Variants in GNB5 observed in about 807,000 individuals in gnomAD.
The protein encoded by GNB5 is guanine nucleotide-binding protein subunit beta-5.
A neutral mutation model predicts 55.3 loss-of-function variants in GNB5; 37 were observed. The ratio of observed to expected loss-of-function variants is 0.67; its 90% CI spans 0.51 to 0.88. The LOEUF is 0.88. GNB5 is among the 40% of genes least tolerant of loss of function. The pLI is 0.00. For missense variants in GNB5, 476 were observed against 515.3 expected, an observed-to-expected ratio of 0.92 and a Z score of 0.74; for synonymous variants, 219 against 198.5, an observed-to-expected ratio of 1.10 and a Z score of -0.87.
chr15:52,147,485 G>C lies in GNB5; in HGVS notation c.468C>G (p.Ala156=). The change falls in exon 6 of 13, where the codon GCC becomes GCG. Residue 156 remains alanine (A), a synonymous_variant. Transcript: ENST00000261837. ...CACAAGCAATGGCACATCCCGATGG[G>C]GCATAAGCACATGCCATCACCCACG... ...PCTWVMACAY[A]PSGCAIACGG... is the part of the protein sequence containing the mutation. 1.2e-6 allele frequency: 2 copies of C among 1,606,490 alleles called. No individual in the cohort carries two copies. Among genetic ancestry groups the C allele is most frequent in the Non-Finnish European group, 1.7e-6 (2 of 1,173,158 alleles).
rs776128775 is a variant in GNB5 at position 52,141,278 on chromosome 15, AT to A, written c.495-7del. ...AACACTTATTATCCAAACCACTAGGATGGAAAGAAAGAAGTACCAAAGATTA... is the reference window on the plus strand; with the variant it reads ...AACACTTATTATCCAAACCACTAGGAGGAAAGAAAGAAGTACCAAAGATTA... On this transcript the variant is annotated splice_polypyrimidine_tract_variant and splice_region_variant and intron_variant, in intron 6 of 12. Coordinates refer to ENST00000261837, the MANE Select transcript of GNB5 (RefSeq NM_016194.4). The A allele has an allele frequency of 6.2e-7, 1 of 1,613,246 alleles. No individual in the cohort carries two copies. The highest frequency in any genetic ancestry group is 2.2e-5 in the East Asian group (1 of 44,886).
chr15:52,143,794 A>G (rs1236135586), intron 6 of GNB5: 1 of 152,248 alleles, frequency 6.6e-6, no homozygotes, highest in Non-Finnish European at 1.5e-5. Context: ...CAGACTTACC[A>G]CTAGAAACTC....
intron 3 of GNB5, among the ~76,000 whole-genome samples, chr15:52,178,975 T>G (rs1218757715): frequency 6.6e-6 from 1 of 152,230 alleles, no homozygotes; most frequent in Non-Finnish European, 1.5e-5. Flanking sequence ...GCCCAAGCTC[T>G]GCTGAGGAGG....
chr15:52,152,936 T>A (rs2034131414), intron 4 of GNB5, among the ~76,000 whole-genome samples: 1 of 152,230 alleles, frequency 6.6e-6, no homozygotes, highest in Non-Finnish European at 1.5e-5. Context: ...GTAGAATATG[T>A]CATGTGACTT....
chr15:52,136,965 G>T (rs1225754825), intron 7 of GNB5: 2 of 453,536 alleles, frequency 4.4e-6, no homozygotes. Flanking sequence ...ACTGTGAATC[G>T]ATTAGACAAC....
intron 3 of GNB5, among the ~76,000 whole-genome samples, chr15:52,156,810 T>A (rs928722085): frequency 1.3e-5 from 2 of 152,246 alleles, no homozygotes; most frequent in Non-Finnish European, 2.9e-5. Context: ...TGTTCAATTA[T>A]TATGCCATTG....
chr15:52,139,223 C>T (rs1241745638), intron 7 of GNB5, among the ~76,000 whole-genome samples: 1 of 152,178 alleles, frequency 6.6e-6, no homozygotes, highest in Non-Finnish European at 1.5e-5. Context: ...AAGTGGATTG[C>T]TTGAGCTCTG....
chr15:52,156,679 G>C (rs1314894599), intron 3 of GNB5, among the ~76,000 whole-genome samples: 2 of 152,154 alleles, frequency 1.3e-5, no homozygotes, highest in East Asian at 3.9e-4. Context: ...GCAGTGGGCA[G>C]AGGTCGCAGT....
chr15:52,123,918 T>C (rs894316158), intron 12 of GNB5, among the ~76,000 whole-genome samples: 1 of 138,618 alleles, frequency 7.2e-6, no homozygotes, highest in African/African-American at 2.8e-5. Flanking sequence ...GAGAATTTAA[T>C]GAAAGCCACG....
chr15:52,151,802 G>C (rs1052203877), intron 4 of GNB5, among the ~76,000 whole-genome samples: 5 of 152,002 alleles, frequency 3.3e-5, no homozygotes, highest in African/African-American at 1.2e-4. Flanking sequence ...CTAGAAAGAA[G>C]TGCTCTAAAA....
At chr15:52,133,918 G>T (rs2033639051) in intron 8 of GNB5, among the ~76,000 whole-genome samples, 1 of 152,248 alleles carries the variant, frequency 6.6e-6, no homozygotes, top group Non-Finnish European at 1.5e-5. Context: ...AAATGGAGCA[G>T]CCGAGAGTCC....
rs1470930143 is a variant in GNB5 at position 52,141,222 on chromosome 15, T to G, written c.545A>C (p.Glu182Ala). The G allele has an allele frequency of 3.7e-6, 6 of 1,613,992 alleles. No homozygotes were observed. Among genetic ancestry groups the G allele is most frequent in the Admixed American group, 3.3e-5 (2 of 60,020 alleles). Residue 182 changes from glutamate (E) to alanine (A), a missense_variant, in exon 7 of 13, where the codon GAA (glutamate) becomes GCA (alanine). By Grantham distance (107) the Glu-to-Ala change is moderately radical. Transcript: ENST00000261837. ...AGACTTCTTTTTGGCAGCCATGTTT[T>G]CATTTTTGTCAAACGTCAAGGGGTA... ...SVYPLTFDKN[E>A]NMAAKKKSVA...
chr15:52,154,648 C>T (rs1213535492), intron 3 of GNB5, among the ~76,000 whole-genome samples: 4 of 152,312 alleles, frequency 2.6e-5, no homozygotes, highest in East Asian at 1.9e-4. Flanking sequence ...TAGAGCTTGC[C>T]GTGTCTAGCT....
rs1346136053 is a variant in GNB5, at chr15:52,116,081, C to G, written c.*6676G>C. 1 of 152,200 alleles carries G rather than the reference C, an allele frequency of 6.6e-6. No homozygotes were observed. The highest frequency in any genetic ancestry group is 1.5e-5 in the Non-Finnish European group (1 of 68,048). The allele number at this position is 152,200 out of a possible 1,614,324, so 9.4% of individuals were successfully genotyped here. ...ATTCATCCACTGTGGAACATTGGGG[C>G]TGTTTCAGCTTTGGGCTATTATGAG... On this transcript the variant is annotated 3_prime_UTR_variant, in exon 13 of 13. Transcript: ENST00000261837.
rs375312388 is a variant in GNB5, at chr15:52,124,636, C to T, written c.1013G>A (p.Arg338His). The change falls in exon 12 of 13, where the codon CGC becomes CAC. Residue 338 changes from arginine to histidine, a missense_variant. By Grantham distance (29) the Arg-to-His change is conservative. Coordinates refer to ENST00000261837, the MANE Select transcript of GNB5 (RefSeq NM_016194.4). ...ASSVDFSLSG[R>H]LLFAGYNDYT... ...ATCATTGTATCCAGCAAACAGCAGG[C>T]GACCTTGAAGCAGGGTGAGATGATA... 15 of 1,613,206 alleles carry T rather than the reference C, an allele frequency of 9.3e-6. No individual in the cohort carries two copies. Among genetic ancestry groups the T allele is most frequent in the East Asian group, 4.5e-5 (2 of 44,898 alleles).
chr15:52,157,017 G>A (rs759322004), intron 3 of GNB5, among the ~76,000 whole-genome samples: 23 of 145,032 alleles, frequency 1.6e-4, no homozygotes, highest in Non-Finnish European at 3.2e-4. Flanking sequence ...CTCACTGCAA[G>A]CTCTGCCTCC....
At chr15:52,158,223 C>T (rs948379889) in intron 3 of GNB5, among the ~76,000 whole-genome samples, 1 of 152,106 alleles carries the variant, frequency 6.6e-6, no homozygotes, top group South Asian at 2.1e-4. Flanking sequence ...CTGGCTCTGT[C>T]GCACACCAGC....
intron 6 of GNB5, among the ~76,000 whole-genome samples, chr15:52,143,131 G>C (rs530201222): frequency 6.6e-5 from 10 of 151,620 alleles, no homozygotes; most frequent in Non-Finnish European, 1.2e-4. Flanking sequence ...CTCCAGCCTG[G>C]GCAACAGAGT....
chr15:52,137,884 G>A, intron 7 of GNB5: 5 of 1,286,904 alleles, frequency 3.9e-6, no homozygotes, highest in African/African-American at 1.5e-5. Context: ...AGACCGTGGA[G>A]GAAGTGGCTC....
Sources: gnomAD v4.1 joint callset for allele counts (sites outside exome capture counted in the v4.1 genomes callset) on GRCh38, gnomAD v4.1.1 for gene constraint, MANE v1.5 for transcripts, NCBI Gene and HGNC (gene_info 2026-07-23, HGNC 2026-07-21) for gene names.